The following OSBPL8 variants were observed in gnomAD, a reference collection of about 807,000 sequenced individuals.
OSBPL8 encodes the protein oxysterol-binding protein-related protein 8.
Under a neutral mutation model 125.5 loss-of-function variants are expected in OSBPL8, and 59 were observed. The observed-to-expected ratio is 0.47, with a 90% confidence interval of 0.38 to 0.58. OSBPL8 has a LOEUF of 0.58. Ranked by LOEUF, OSBPL8 falls within the 20% of genes least tolerant of loss-of-function variation. OSBPL8 has a pLI of 0.00. For missense variants in OSBPL8, 758 were observed against 1,047.8 expected, an observed-to-expected ratio of 0.72 and a Z score of 3.82; for synonymous variants, 330 against 338.9, an observed-to-expected ratio of 0.97 and a Z score of 0.29.
chr12:76,412,368 C>T (rs1467706813), intron 4 of OSBPL8, among the ~76,000 whole-genome samples: 1 of 152,084 alleles, frequency 6.6e-6, no homozygotes, highest in Non-Finnish European at 1.5e-5. Context: ...AGTGATTACA[C>T]GTGTCTATAC....
At chr12:76,365,851 T>C (rs987064046) in intron 21 of OSBPL8, among the ~76,000 whole-genome samples, 1 of 152,192 alleles carries the variant, frequency 6.6e-6, no homozygotes, top group Non-Finnish European at 1.5e-5. Flanking sequence ...CCAATTGAAA[T>C]GACCATGTGA....
intron 1 of OSBPL8, among the ~76,000 whole-genome samples, chr12:76,536,549 A>G (rs370883574): frequency 1.1e-4 from 17 of 152,300 alleles, no homozygotes; most frequent in African/African-American, 3.9e-4. Context: ...TATTAGTTGA[A>G]TTTGTATCTA....
intron 4 of OSBPL8, among the ~76,000 whole-genome samples, chr12:76,421,910 A>T (rs1413994866): frequency 3.3e-5 from 5 of 152,026 alleles, no homozygotes; most frequent in Non-Finnish European, 7.4e-5. Context: ...AATATCATAA[A>T]TTTTCATGAT....
rs146211448 is a variant in OSBPL8 at position 76,484,700 on chromosome 12, C to G, written c.42+2810G>C. On this transcript the variant is annotated intron_variant, in intron 2 of 23. Coordinates refer to ENST00000261183, the MANE Select transcript of OSBPL8 (RefSeq NM_020841.5). The stretch of plus-strand genomic sequence containing the variant: ...TGTCTTACAGAGCTCATGTTCTGAT[C>G]CACTTCTCCCAGATCTAAACAGTAA... 6.3e-3 allele frequency among the ~76,000 whole-genome samples: 961 copies of G among 152,184 alleles called. 11 individuals carry two copies. Among genetic ancestry groups the G allele is most frequent in the African/African-American group, 0.022 (929 of 41,514 alleles).
chr12:76,386,271 TA>T lies in OSBPL8; in HGVS notation c.1435-6del, dbSNP rs72247585. 38,014 of 1,415,882 alleles carry T rather than the reference TA, an allele frequency of 0.027. No individual in the cohort carries two copies. Among genetic ancestry groups the T allele is most frequent in the South Asian group, 0.034 (2,477 of 71,936 alleles). The allele number at this position is 1,415,882 out of a possible 1,614,324, so 87.7% of individuals were successfully genotyped here. ...ATTATAAGGTTTCTTCAGTCCCTGG[TA>T]AAAAAAAAAAAAAGCAATTTCAAAT... On this transcript the variant is annotated splice_region_variant and splice_polypyrimidine_tract_variant and intron_variant, in intron 13 of 23. Transcript: ENST00000261183.
chr12:76,357,445 A>G (rs1952027554), intron 22 of OSBPL8, among the ~76,000 whole-genome samples: 1 of 152,190 alleles, frequency 6.6e-6, no homozygotes, highest in Non-Finnish European at 1.5e-5. Context: ...ACATACATAT[A>G]CCTACTTATG....
chr12:76,537,409 T>C (rs1051488989), intron 1 of OSBPL8, among the ~76,000 whole-genome samples: 3 of 152,240 alleles, frequency 2.0e-5, no homozygotes, highest in Non-Finnish European at 4.4e-5. Flanking sequence ...ACCACTGTTA[T>C]GATGTGCAAA....
intron 1 of OSBPL8, among the ~76,000 whole-genome samples, chr12:76,502,275 C>T (rs1879982044): frequency 6.6e-6 from 1 of 152,198 alleles, no homozygotes; most frequent in Non-Finnish European, 1.5e-5. Context: ...TATTGATCCA[C>T]TAATACAATT....
At chr12:76,401,305 T>G (rs1954043388) in intron 6 of OSBPL8, among the ~76,000 whole-genome samples, 1 of 152,134 alleles carries the variant, frequency 6.6e-6, no homozygotes, top group Admixed American at 6.5e-5. Flanking sequence ...GGTCCCCCAA[T>G]AAACATTTTT....
In OSBPL8 at chr12:76,405,239, G is replaced by A. The variant is rs534109142; in HGVS notation, c.289-2473C>T. Among the ~76,000 whole-genome samples, 13 of 152,210 alleles carry A rather than the reference G, an allele frequency of 8.5e-5. No individual in the cohort carries two copies. The South Asian group carries it at 2.7e-3, about 32-fold the overall frequency. On this transcript the variant is annotated intron_variant, in intron 5 of 23. Transcript: ENST00000261183. ...TTTGGGAGGCTAAGGCGGGAGGATT[G>A]CTTGAGCCCAGGAGTTCAAAACCGG...
chr12:76,368,044 C>T (rs1952485281), intron 21 of OSBPL8, among the ~76,000 whole-genome samples: 1 of 152,188 alleles, frequency 6.6e-6, no homozygotes, highest in Non-Finnish European at 1.5e-5. Context: ...TTTCTTCATA[C>T]AGCTTTGAGT....
intron 2 of OSBPL8, among the ~76,000 whole-genome samples, chr12:76,465,816 G>C (rs555806903): frequency 6.6e-6 from 1 of 151,966 alleles, no homozygotes; most frequent in Admixed American, 6.6e-5. Flanking sequence ...GACCAGCCTG[G>C]CCAACATGGT....
intron 2 of OSBPL8, 140 bp from the exon 3 acceptor site, chr12:76,460,035 C>G (rs1874527617): frequency 1.4e-6 from 1 of 712,668 alleles, no homozygotes; most frequent in African/African-American, 1.7e-5. Context: ...ACATGCACAT[C>G]AATAGTAATA....
chr12:76,534,716 C>G (rs1950443496), intron 1 of OSBPL8, among the ~76,000 whole-genome samples: 2 of 152,064 alleles, frequency 1.3e-5, no homozygotes, highest in Non-Finnish European at 2.9e-5. Flanking sequence ...AGTTTTTTTA[C>G]TATTTTCGAG....
At chr12:76,361,332 T>C (rs1299050782) in intron 21 of OSBPL8, among the ~76,000 whole-genome samples, 1 of 152,206 alleles carries the variant, frequency 6.6e-6, no homozygotes, top group Non-Finnish European at 1.5e-5. Flanking sequence ...AACAAGTTCC[T>C]CATCTCCATC....
rs1951916065 is a variant in OSBPL8 at position 76,354,415 on chromosome 12, T to C, written c.*1474A>G. ...TTCTCATAATTTACCAATCAATGTA[T>C]TTATTTACCAATCTTGTATTTATCA... On this transcript the variant is annotated 3_prime_UTR_variant, in exon 24 of 24. Coordinates refer to ENST00000261183, the MANE Select transcript of OSBPL8 (RefSeq NM_020841.5). 6.6e-6 allele frequency: 1 copy of C among 151,972 alleles called. No individual in the cohort carries two copies. The highest frequency in any genetic ancestry group is 2.1e-4 in the South Asian group (1 of 4,834). 9.4% of individuals were successfully genotyped at this position (151,972 alleles called of 1,614,324 possible). A position where few individuals can be genotyped will look rare whatever the true frequency, so the allele number is the denominator to read the frequency against.
intron 2 of OSBPL8, among the ~76,000 whole-genome samples, chr12:76,476,741 A>G (rs1876852444): frequency 1.3e-5 from 2 of 152,182 alleles, no homozygotes; most frequent in Non-Finnish European, 2.9e-5. Context: ...TAATTCTGAA[A>G]ACCTACACAG....
At chr12:76,511,106 T>C (rs564540456) in intron 1 of OSBPL8, among the ~76,000 whole-genome samples, 1 of 152,198 alleles carries the variant, frequency 6.6e-6, no homozygotes, top group Non-Finnish European at 1.5e-5. Context: ...AAATCCAGAC[T>C]TCTGAGGGTG....
At chr12:76,405,493 TATG>T (rs1954220898) in intron 5 of OSBPL8, among the ~76,000 whole-genome samples, 1 of 152,140 alleles carries the variant, frequency 6.6e-6, no homozygotes, top group Non-Finnish European at 1.5e-5. Context: ...AACAATTCTA[TATG>T]ATAAGCTCTA....
Sources: gnomAD v4.1 joint callset for allele counts (sites outside exome capture counted in the v4.1 genomes callset) on GRCh38, gnomAD v4.1.1 for gene constraint, MANE v1.5 for transcripts, NCBI Gene and HGNC (gene_info 2026-07-23, HGNC 2026-07-21) for gene names.